SORCS3: variants seen among roughly 807,000 people sequenced by gnomAD.
SORCS3 encodes the protein VPS10 domain-containing receptor SorCS3.
SORCS3 carries 57 observed loss-of-function variants against 146.3 expected under a neutral mutation model. That is an observed-to-expected ratio of 0.39 (90% CI 0.31 to 0.49). The LOEUF (loss-of-function observed/expected upper bound fraction) is 0.49. SORCS3 is among the 20% of genes least tolerant of loss of function. The pLI is 0.92. For missense variants in SORCS3, 1,341 were observed against 1,575.5 expected (o/e 0.85, Z 2.52); for synonymous variants, 653 against 618.5 (o/e 1.06, Z -0.83).
chr10:104,874,560 C>G (rs1417408698), intron 2 of SORCS3, among the ~76,000 whole-genome samples: 3 of 151,880 alleles, frequency 2.0e-5, no homozygotes, highest in African/African-American at 7.3e-5. Flanking sequence ...CTCTGGAAAC[C>G]CTTAAATGGT....
intron 2 of SORCS3, among the ~76,000 whole-genome samples, chr10:104,883,980 G>T (rs182143702): frequency 4.7e-5 from 7 of 149,726 alleles, no homozygotes; most frequent in East Asian, 1.9e-4. Flanking sequence ...TGGAATGAGG[G>T]GGGGGAAAGG....
intron 4 of SORCS3, among the ~76,000 whole-genome samples, chr10:104,988,034 T>G (rs1213570303): frequency 6.6e-6 from 1 of 152,192 alleles, no homozygotes; most frequent in Non-Finnish European, 1.5e-5. Context: ...TGACAAATTC[T>G]CTCATATATG....
chr10:105,251,055 T>A (rs980620902), intron 22 of SORCS3, among the ~76,000 whole-genome samples: 1 of 152,206 alleles, frequency 6.6e-6, no homozygotes, highest in African/African-American at 2.4e-5. Flanking sequence ...GACAGAAATA[T>A]CTGGGCAATC....
At chr10:104,738,238 G>A (rs920372193) in intron 1 of SORCS3, among the ~76,000 whole-genome samples, 3 of 152,134 alleles carry the variant, frequency 2.0e-5, no homozygotes, top group Non-Finnish European at 4.4e-5. Flanking sequence ...TTGACTTGGT[G>A]ATGCGGGCTC....
At chr10:105,147,010 A>T (rs766952782) in intron 8 of SORCS3, among the ~76,000 whole-genome samples, 2 of 152,146 alleles carry the variant, frequency 1.3e-5, no homozygotes, top group African/African-American at 2.4e-5. Flanking sequence ...GATCTTCAAC[A>T]TAATTTCATT....
At chr10:104,920,536 T>C (rs543588506) in intron 3 of SORCS3, among the ~76,000 whole-genome samples, 3 of 152,308 alleles carry the variant, frequency 2.0e-5, no homozygotes, top group Admixed American at 2.0e-4. Flanking sequence ...CCCAGCCACT[T>C]TGAAAGTAGG....
chr10:104,914,534 G>A (rs1031432670), intron 2 of SORCS3, among the ~76,000 whole-genome samples: 5 of 152,128 alleles, frequency 3.3e-5, no homozygotes, highest in African/African-American at 1.2e-4. Context: ...TGGGAGGATG[G>A]CTTAAGCCCA....
chr10:104,863,621 G>A (rs926914708), intron 2 of SORCS3, among the ~76,000 whole-genome samples: 12 of 152,178 alleles, frequency 7.9e-5, no homozygotes, highest in African/African-American at 2.2e-4. Context: ...AGCAGGATCC[G>A]TTTAAGTCTC....
intron 1 of SORCS3, among the ~76,000 whole-genome samples, chr10:104,841,745 T>G (rs1251337584): frequency 6.6e-6 from 1 of 152,062 alleles, no homozygotes; most frequent in Non-Finnish European, 1.5e-5. Context: ...CGGAAAGAAT[T>G]TAATGGTTGC....
At chr10:104,859,913 GA>G (rs921327604) in intron 2 of SORCS3, among the ~76,000 whole-genome samples, 5 of 100,064 alleles carry the variant, frequency 5.0e-5, no homozygotes, top group Non-Finnish European at 1.1e-4. Flanking sequence ...AAAAAGTCAG[GA>G]AACAACAGGT....
At chr10:104,914,952 G>T (rs1418381368) in intron 2 of SORCS3, among the ~76,000 whole-genome samples, 1 of 151,908 alleles carries the variant, frequency 6.6e-6, no homozygotes, top group Non-Finnish European at 1.5e-5. Flanking sequence ...GACGGGAAGA[G>T]GAGGTGAGAA....
intron 2 of SORCS3, among the ~76,000 whole-genome samples, chr10:104,880,990 C>A (rs1206400377): frequency 1.3e-5 from 2 of 152,162 alleles, no homozygotes; most frequent in African/African-American, 2.4e-5. Context: ...AACATATAAT[C>A]TCTGAAATCT....
intron 1 of SORCS3, among the ~76,000 whole-genome samples, chr10:104,798,519 C>A (rs1483192522): frequency 6.6e-6 from 1 of 152,184 alleles, no homozygotes; most frequent in Non-Finnish European, 1.5e-5. Flanking sequence ...AAAAGAATAA[C>A]AGCACTAAAT....
intron 5 of SORCS3, among the ~76,000 whole-genome samples, chr10:105,057,256 A>T (rs192995647): frequency 3.3e-5 from 5 of 152,232 alleles, no homozygotes; most frequent in African/African-American, 1.2e-4. Context: ...TCAGATTCTT[A>T]ATTAGCTTTG....
intron 2 of SORCS3, among the ~76,000 whole-genome samples, chr10:104,887,211 A>T (rs1316283264): frequency 6.6e-6 from 1 of 152,216 alleles, no homozygotes; most frequent in Non-Finnish European, 1.5e-5. Context: ...TCAGGATAAA[A>T]AATGGTAATT....
At chr10:104,794,622 G>GGAGGGAGAGAGAGAGAGAGAGAGAGA (rs1481811209) in intron 1 of SORCS3, among the ~76,000 whole-genome samples, 127 of 41,340 alleles carry the variant, frequency 3.1e-3, no homozygotes, top group South Asian at 9.1e-3. Flanking sequence ...AGAGAGGGAG[G>GGAGGGAGAGAGAGAGAGAGAGAGAGA]GAGAGAGAGA....
intron 1 of SORCS3, among the ~76,000 whole-genome samples, chr10:104,795,814 G>A (rs1222027774): frequency 1.3e-5 from 2 of 152,200 alleles, no homozygotes; most frequent in Non-Finnish European, 2.9e-5. Flanking sequence ...AGCTATCCTG[G>A]TGCTGGTTAG....
At chr10:104,690,877 C>G (rs1023316851) in intron 1 of SORCS3, among the ~76,000 whole-genome samples, 1 of 152,184 alleles carries the variant, frequency 6.6e-6, no homozygotes, top group Non-Finnish European at 1.5e-5. Context: ...CATGTGTGTT[C>G]AGAGCACTTT....
At chr10:104,833,446 A>G (rs986937549) in intron 1 of SORCS3, among the ~76,000 whole-genome samples, 2 of 152,168 alleles carry the variant, frequency 1.3e-5, no homozygotes, top group African/African-American at 4.8e-5. Flanking sequence ...CACAATGGCC[A>G]TTCTATACAG....
Sources: gnomAD v4.1 joint callset for allele counts (sites outside exome capture counted in the v4.1 genomes callset) on GRCh38, gnomAD v4.1.1 for gene constraint, MANE v1.5 for transcripts, NCBI Gene and HGNC (gene_info 2026-07-23, HGNC 2026-07-21) for gene names.